Variants in ZNF536 observed in about 807,000 individuals in gnomAD.
ZNF536 encodes the protein zinc finger protein 536.
ZNF536 carries 13 observed loss-of-function variants against 84.5 expected under a neutral mutation model. The ratio of observed to expected loss-of-function variants is 0.15; its 90% CI spans 0.10 to 0.24. ZNF536 has a LOEUF of 0.24. Ranked by LOEUF, ZNF536 falls within the 10% of genes least tolerant of loss-of-function variation. The pLI is 1.00. For missense variants in ZNF536, 1,536 were observed against 1,747.5 expected (o/e 0.88, Z 2.16); for synonymous variants, 811 against 742.5 (o/e 1.09, Z -1.50).
intron 1 of ZNF536, among the ~76,000 whole-genome samples, chr19:30,676,234 C>A (rs1003531714): frequency 6.6e-6 from 1 of 152,178 alleles, no homozygotes; most frequent in Non-Finnish European, 1.5e-5. Flanking sequence ...GCAGTTTATT[C>A]TGGGTGCTCA....
intron 1 of ZNF536, among the ~76,000 whole-genome samples, chr19:30,281,778 C>A (rs1303375974): frequency 6.6e-6 from 1 of 152,176 alleles, no homozygotes; most frequent in Non-Finnish European, 1.5e-5. Flanking sequence ...TACCCAACCC[C>A]CACTTAGTTC....
chr19:30,343,155 A>ATTCC (rs1312899259), intron 2 of ZNF536, among the ~76,000 whole-genome samples: 2 of 152,182 alleles, frequency 1.3e-5, no homozygotes, highest in African/African-American at 4.8e-5. Flanking sequence ...TGGGAACAGG[A>ATTCC]CAAGTACCCC....
intron 1 of ZNF536, among the ~76,000 whole-genome samples, chr19:30,256,287 G>A (rs879926620): frequency 2.0e-5 from 3 of 152,200 alleles, no homozygotes; most frequent in Non-Finnish European, 2.9e-5. Flanking sequence ...GATCCAAGAC[G>A]TCGTATGCGA....
chr19:30,433,893 C>T (rs2051593629), intron 1 of ZNF536, among the ~76,000 whole-genome samples: 1 of 152,214 alleles, frequency 6.6e-6, no homozygotes, highest in African/African-American at 2.4e-5. Flanking sequence ...GCTTCTGGAT[C>T]TAAAAACTAT....
chr19:30,712,332 A>T (rs941943292), exon 2 of ZNF536: 4 of 152,122 alleles, frequency 2.6e-5, no homozygotes, highest in African/African-American at 7.2e-5. Context: ...GCCTTTTAAC[A>T]TACTTCCTTT....
At chr19:30,601,038 T>C (rs1207742368) in intron 1 of ZNF536, among the ~76,000 whole-genome samples, 2 of 152,190 alleles carry the variant, frequency 1.3e-5, no homozygotes, top group Admixed American at 1.3e-4. Context: ...CCAGGCCAGA[T>C]TGAGGTTAGT....
chr19:30,248,135 ACTGATTGGTC>A (rs1387811868), intron 1 of ZNF536, among the ~76,000 whole-genome samples: 2 of 152,144 alleles, frequency 1.3e-5, no homozygotes, highest in Non-Finnish European at 2.9e-5. Flanking sequence ...CAAGGAAATG[ACTGATTGGTC>A]AAAAGCCTTG....
At chr19:30,576,648 A>C (rs1284803152) in intron 1 of ZNF536, among the ~76,000 whole-genome samples, 1 of 152,188 alleles carries the variant, frequency 6.6e-6, no homozygotes, top group Non-Finnish European at 1.5e-5. Context: ...TGCACCATCC[A>C]TACCCCCTGC....
At chr19:30,446,248 C>CAAAAAAAAAAAAAAAAAAAAAAAAA (rs1177505634) in intron 2 of ZNF536, among the ~76,000 whole-genome samples, 10 of 29,176 alleles carry the variant, frequency 3.4e-4, no homozygotes, top group Non-Finnish European at 4.5e-4. Context: ...GACACTGTCT[C>CAAAAAAAAAAAAAAAAAAAAAAAAA]AAAAAAAAAA....
intron 2 of ZNF536, among the ~76,000 whole-genome samples, chr19:30,318,223 C>A (rs2046744491): frequency 6.6e-6 from 1 of 152,044 alleles, no homozygotes; most frequent in Non-Finnish European, 1.5e-5. Context: ...GCATATTTGC[C>A]CAGAACTGTG....
intron 1 of ZNF536, among the ~76,000 whole-genome samples, chr19:30,582,511 C>G (rs1419521881): frequency 1.3e-5 from 2 of 151,848 alleles, no homozygotes; most frequent in African/African-American, 4.8e-5. Context: ...CTGCCTCAGC[C>G]TCCTGAGTAC....
At chr19:30,479,669 G>A (rs1384246691) in intron 2 of ZNF536, among the ~76,000 whole-genome samples, 1 of 152,206 alleles carries the variant, frequency 6.6e-6, no homozygotes, top group Non-Finnish European at 1.5e-5. Flanking sequence ...ATTCATGCCT[G>A]TTGGGTTTTT....
At chr19:30,341,438 A>T (rs1334907735) in intron 2 of ZNF536, among the ~76,000 whole-genome samples, 1 of 152,252 alleles carries the variant, frequency 6.6e-6, no homozygotes, top group Non-Finnish European at 1.5e-5. Context: ...TCAAAAGATG[A>T]CAGGCAGGGC....
chr19:30,518,194 C>T (rs1214052860), intron 2 of ZNF536, among the ~76,000 whole-genome samples: 2 of 152,198 alleles, frequency 1.3e-5, no homozygotes, highest in African/African-American at 2.4e-5. Flanking sequence ...CCTGTCACCT[C>T]CTGTTGCAGG....
At chr19:30,593,681 G>T (rs2047349184) in intron 1 of ZNF536, among the ~76,000 whole-genome samples, 1 of 152,106 alleles carries the variant, frequency 6.6e-6, no homozygotes, top group Non-Finnish European at 1.5e-5. Flanking sequence ...TCTCCTCCCT[G>T]CCCCTCACCC....
chr19:30,267,744 G>C lies in ZNF536; in HGVS notation c.-189-16328G>C, dbSNP rs369665817. Among the ~76,000 whole-genome samples the C allele has an allele frequency of 1.9e-4, 29 of 152,230 alleles. No homozygotes were observed. The East Asian group carries it at 3.9e-3, about 20-fold the overall frequency. On this transcript the variant is annotated intron_variant, in intron 1 of 5. Transcript: ENST00000585628. The stretch of plus-strand genomic sequence containing the variant: ...TGTCCCAGAGATTATTTTTTCCTCT[G>C]TTTGACCCTTCCTTACTTTAGTTCT...
intron 1 of ZNF536, among the ~76,000 whole-genome samples, chr19:30,578,859 G>A (rs2046828116): frequency 6.6e-6 from 1 of 152,156 alleles, no homozygotes; most frequent in Non-Finnish European, 1.5e-5. Flanking sequence ...CCAGGTTCTG[G>A]GCAGGCTCAT....
At position 30,268,157 on chromosome 19, in the gene ZNF536, A is replaced by G. The variant is rs567669441; in HGVS notation, c.-189-15915A>G. 1.8e-4 allele frequency among the ~76,000 whole-genome samples: 27 copies of G among 148,342 alleles called. No homozygotes were observed. The East Asian group carries it at 3.8e-3, about 21-fold the overall frequency. ...TTTCCTGAGATCCTTTGCAATAGAG[A>G]AATGATCTACTAGTGTTTAGATCCC... On this transcript the variant is annotated intron_variant, in intron 1 of 5. Transcript: ENST00000585628.
chr19:30,369,162 T>C (rs1438182625), upstream of ZNF536, among the ~76,000 whole-genome samples: 1 of 152,224 alleles, frequency 6.6e-6, no homozygotes, highest in African/African-American at 2.4e-5. Context: ...TTATGTGATC[T>C]ATAATGAGTT....
Sources: allele counts gnomAD v4.1 joint callset (sites outside exome capture counted in the v4.1 genomes callset), GRCh38; gene constraint gnomAD v4.1.1; transcripts MANE v1.5; gene names NCBI Gene and HGNC (gene_info 2026-07-23, HGNC 2026-07-21).